The following HDAC9 variants were observed in gnomAD, a reference collection of about 807,000 sequenced individuals.
HDAC9 encodes the protein MEF-2 interacting transcription repressor (MITR) protein.
In HDAC9, 41 loss-of-function variants were observed where a neutral mutation model predicts 139.4. The observed-to-expected ratio is 0.29, with a 90% CI of 0.23 to 0.38. HDAC9 has a LOEUF of 0.38. Among genes scored for constraint, HDAC9 ranks in the 10% least tolerant of loss-of-function variants. The pLI is 1.00. For synonymous variants in HDAC9, 517 were observed against 476.2 expected (o/e 1.09, Z -1.12); for missense variants, 1,147 against 1,297.0 (o/e 0.88, Z 1.78).
In HDAC9 at chr7:18,598,987, G is replaced by A. The variant is rs801533; in HGVS notation, c.664+4958G>A. On this transcript the variant is annotated intron_variant, in intron 6 of 25. Transcript: ENST00000686413. ...GCCCAGGAATTTGAGTCCAACCTGG[G>A]TAACATAGGGAGACCCTGTCTCTTA... is the stretch of plus-strand genomic sequence containing the variant. Among the ~76,000 whole-genome samples the A allele has an allele frequency of 8.4e-3, 1,276 of 152,296 alleles. 18 individuals carry two copies. The highest frequency in any genetic ancestry group is 0.029 in the African/African-American group (1,205 of 41,554).
chr7:18,626,191 G>A (rs961830982), intron 6 of HDAC9, among the ~76,000 whole-genome samples: 1 of 152,096 alleles, frequency 6.6e-6, no homozygotes, highest in East Asian at 1.9e-4. Flanking sequence ...GAGAGCTGGA[G>A]CCCTGGAATA....
chr7:18,118,208 A>T (rs557846783), intron 1 of HDAC9, among the ~76,000 whole-genome samples: 1 of 152,208 alleles, frequency 6.6e-6, no homozygotes, highest in Non-Finnish European at 1.5e-5. Flanking sequence ...CCAAGTAATC[A>T]CATTTCTCTA....
At chr7:18,938,308 C>T (rs1781790604) in intron 23 of HDAC9, among the ~76,000 whole-genome samples, 1 of 148,474 alleles carries the variant, frequency 6.7e-6, no homozygotes, top group Non-Finnish European at 1.5e-5. Context: ...ATGAAAGTAT[C>T]TCGCTGGCCG....
At chr7:18,608,378 CAA>C (rs1205530254) in intron 6 of HDAC9, among the ~76,000 whole-genome samples, 1 of 152,006 alleles carries the variant, frequency 6.6e-6, no homozygotes, top group East Asian at 1.9e-4. Context: ...GATTTTTTAT[CAA>C]GTGACTTTAT....
At position 18,647,790 on chromosome 7, in the gene HDAC9, G is replaced by A. The variant is rs765691093; in HGVS notation, c.1041G>A (p.Ser347=). The A allele has an allele frequency of 4.7e-5, 75 of 1,606,360 alleles. 1 individual carries two copies. Among genetic ancestry groups the A allele is most frequent in the South Asian group, 3.2e-4 (29 of 89,808 alleles). The change falls in exon 10 of 26, where the codon TCG becomes TCA. Residue 347 remains serine (S), a synonymous_variant. Coordinates refer to ENST00000686413, the MANE Select transcript of HDAC9 (RefSeq NM_178425.4). ...TTTGTTATTTCTCAACACAGGCTTC[G>A]AATTCACTCAAAGAAAAGCAGAAGT... is the stretch of plus-strand genomic sequence containing the variant. The part of the protein sequence containing the change: ...LPAVPSQLNA[S]NSLKEKQKCE...
intron 19 of HDAC9, among the ~76,000 whole-genome samples, chr7:18,833,477 A>G (rs1483475951): frequency 6.6e-6 from 1 of 152,236 alleles, no homozygotes; most frequent in East Asian, 1.9e-4. Flanking sequence ...AAATACAAAT[A>G]TCCCCTTAAT....
intron 1 of HDAC9, among the ~76,000 whole-genome samples, chr7:18,303,670 GC>G (rs769597966): frequency 2.6e-4 from 39 of 152,256 alleles, no homozygotes; most frequent in Non-Finnish European, 1.2e-4. Context: ...CACGTGGCTG[GC>G]CAGCTAGGCA....
chr7:18,187,475 C>T (rs999979387), intron 2 of HDAC9, among the ~76,000 whole-genome samples: 2 of 152,128 alleles, frequency 1.3e-5, no homozygotes, highest in African/African-American at 4.8e-5. Context: ...TTTCTTCTTT[C>T]TATGAACATC....
intron 17 of HDAC9, chr7:18,808,252 A>C (rs1793887075): frequency 6.6e-6 from 1 of 152,194 alleles, no homozygotes; most frequent in Admixed American, 6.5e-5. Flanking sequence ...GAGTTGACAG[A>C]TGTTGCAGTC....
chr7:18,647,479 T>C (rs750268345), intron 9 of HDAC9, among the ~76,000 whole-genome samples: 2 of 152,158 alleles, frequency 1.3e-5, no homozygotes, highest in Non-Finnish European at 2.9e-5. Context: ...GTACAACAGA[T>C]CTCTTGAATT....
At position 18,432,743 on chromosome 7, in the gene HDAC9, A is replaced by T. The variant is rs576725868; in HGVS notation, c.-41-63519A>T. Among the ~76,000 whole-genome samples the T allele has an allele frequency of 2.9e-3, 441 of 152,150 alleles. 1 individual carries two copies. Among genetic ancestry groups the T allele is most frequent in the Middle Eastern group, 0.027 (8 of 294 alleles). On this transcript the variant is annotated intron_variant, in intron 1 of 3. Transcript: ENST00000413509. ...TGGGCGGATCACGAGGTCAGGAGAT[A>T]GAGACCATCCTGGCTAACATGGTGA...
At chr7:18,169,616 C>A (rs1788266131) in intron 2 of HDAC9, among the ~76,000 whole-genome samples, 2 of 152,124 alleles carry the variant, frequency 1.3e-5, no homozygotes, top group Admixed American at 1.3e-4. Context: ...CCCCTGTCCC[C>A]CACCGCACGA....
At chr7:18,510,746 A>G (rs1419504649) in intron 2 of HDAC9, among the ~76,000 whole-genome samples, 1 of 152,324 alleles carries the variant, frequency 6.6e-6, no homozygotes, top group East Asian at 1.9e-4. Context: ...TAAGGAGTTA[A>G]CATAGTGAGA....
At chr7:18,584,166 A>G (rs1828723885) in intron 2 of HDAC9, among the ~76,000 whole-genome samples, 2 of 82,272 alleles carry the variant, frequency 2.4e-5, no homozygotes, top group Admixed American at 3.1e-4. Context: ...TTTTTGAGAC[A>G]GTCTCGCTCT....
intron 14 of HDAC9, among the ~76,000 whole-genome samples, chr7:18,761,679 G>A (rs1233284793): frequency 6.6e-6 from 1 of 152,158 alleles, no homozygotes; most frequent in Non-Finnish European, 1.5e-5. Context: ...ACTGTGAGGT[G>A]CACACATGGG....
intron 23 of HDAC9, among the ~76,000 whole-genome samples, chr7:18,947,036 C>T (rs889135410): frequency 6.6e-6 from 1 of 151,610 alleles, no homozygotes; most frequent in Admixed American, 6.6e-5. Context: ...ATTCATGTGT[C>T]CAAAGAAATC....
intron 24 of HDAC9, among the ~76,000 whole-genome samples, chr7:18,972,369 CTTTTTTTTTT>C (rs199909134): frequency 8.3e-4 from 79 of 94,894 alleles, no homozygotes; most frequent in African/African-American, 2.7e-3. Flanking sequence ...ATGAACTTCT[CTTTTTTTTTT>C]TTTTTTTTTT....
intron 17 of HDAC9, among the ~76,000 whole-genome samples, chr7:18,803,146 T>C (rs904829548): frequency 2.0e-5 from 3 of 152,078 alleles, no homozygotes; most frequent in Non-Finnish European, 4.4e-5. Flanking sequence ...CACACTTTTT[T>C]TCTATTATTT....
At chr7:18,220,330 G>A (rs1792610834) in intron 2 of HDAC9, among the ~76,000 whole-genome samples, 1 of 152,142 alleles carries the variant, frequency 6.6e-6, no homozygotes, top group South Asian at 2.1e-4. Flanking sequence ...AATAATATTA[G>A]CCATGACTAT....
Sources: allele counts gnomAD v4.1 joint callset (sites outside exome capture counted in the v4.1 genomes callset), GRCh38; gene constraint gnomAD v4.1.1; transcripts MANE v1.5; gene names NCBI Gene and HGNC (gene_info 2026-07-23, HGNC 2026-07-21).